Variants in PTPN4 observed in about 807,000 individuals in gnomAD.
PTPN4 encodes tyrosine-protein phosphatase non-receptor type 4.
Under a neutral mutation model 135.5 loss-of-function variants are expected in PTPN4, and 49 were observed. That is an observed-to-expected ratio of 0.36 (90% CI 0.29 to 0.46). The LOEUF (loss-of-function observed/expected upper bound fraction) is 0.46, where lower values mean the gene tolerates loss of function less well. Ranked by LOEUF, PTPN4 falls within the 20% of genes least tolerant of loss-of-function variation. The pLI is 1.00. For synonymous variants in PTPN4, 333 were observed against 369.9 expected, an observed-to-expected ratio of 0.90 and a Z score of 1.14; for missense variants, 860 against 1,101.0, an observed-to-expected ratio of 0.78 and a Z score of 3.10.
chr2:119,785,570 A>T (rs1003557854), intron 1 of PTPN4, among the ~76,000 whole-genome samples: 7 of 152,178 alleles, frequency 4.6e-5, no homozygotes, highest in Admixed American at 2.0e-4. Context: ...TGTAAATAGT[A>T]TATCCATTCC....
chr2:119,815,309 T>C (rs1676968537), intron 2 of PTPN4, among the ~76,000 whole-genome samples: 1 of 152,212 alleles, frequency 6.6e-6, no homozygotes. Flanking sequence ...AACAAGAATG[T>C]TGGTGAAGTG....
At chr2:119,785,886 A>G (rs1221240583) in intron 1 of PTPN4, among the ~76,000 whole-genome samples, 1 of 152,144 alleles carries the variant, frequency 6.6e-6, no homozygotes, top group Non-Finnish European at 1.5e-5. Context: ...GAGGTGTAGG[A>G]TTCTGCAGTA....
chr2:119,947,340 C>A (rs1279758992), intron 18 of PTPN4, among the ~76,000 whole-genome samples: 1 of 152,130 alleles, frequency 6.6e-6, no homozygotes, highest in Non-Finnish European at 1.5e-5. Context: ...TTTGCAGCAA[C>A]CTCAAAGTTG....
intron 10 of PTPN4, among the ~76,000 whole-genome samples, chr2:119,904,993 T>A: frequency 1.4e-5 from 2 of 139,170 alleles, no homozygotes; most frequent in Admixed American, 7.3e-5. Context: ...AAGATATATC[T>A]AGAGTAGATG....
intron 9 of PTPN4, among the ~76,000 whole-genome samples, chr2:119,892,136 G>A (rs1678249476): frequency 6.6e-6 from 1 of 152,164 alleles, no homozygotes; most frequent in Non-Finnish European, 1.5e-5. Flanking sequence ...GGGTATATCA[G>A]AGTATGTACT....
At chr2:119,826,940 G>A (rs1403970279) in intron 2 of PTPN4, among the ~76,000 whole-genome samples, 1 of 152,152 alleles carries the variant, frequency 6.6e-6, no homozygotes, top group Non-Finnish European at 1.5e-5. Context: ...GAAGCAGAAG[G>A]ATTGCTTGGG....
At chr2:119,946,206 T>C in intron 16 of PTPN4, 135 bp from the exon 17 acceptor site, 1 of 696,574 alleles carries the variant, frequency 1.4e-6, no homozygotes, top group Non-Finnish European at 2.2e-6. Context: ...TCTTCTGAAC[T>C]AAAATTTTTA....
intron 14 of PTPN4, among the ~76,000 whole-genome samples, chr2:119,933,352 T>TCA (rs1313065989): frequency 1.2e-4 from 18 of 152,274 alleles, no homozygotes; most frequent in African/African-American, 4.1e-4. Flanking sequence ...CATAAATGTT[T>TCA]TACACACATT....
At chr2:119,972,579 A>G (rs1217027605) in intron 26 of PTPN4, among the ~76,000 whole-genome samples, 1 of 152,110 alleles carries the variant, frequency 6.6e-6, no homozygotes, top group Non-Finnish European at 1.5e-5. Flanking sequence ...TATCCTGGAT[A>G]GAACCTCCAG....
intron 10 of PTPN4, among the ~76,000 whole-genome samples, chr2:119,911,785 T>C (rs1488754263): frequency 1.3e-5 from 2 of 152,128 alleles, no homozygotes; most frequent in Non-Finnish European, 2.9e-5. Context: ...ACCATGCAAG[T>C]AGTAAGCATT....
At chr2:119,946,236 C>A in intron 16 of PTPN4, 105 bp from the exon 17 acceptor site, 3 of 842,086 alleles carry the variant, frequency 3.6e-6, no homozygotes, top group South Asian at 2.2e-5. Context: ...TGATTTTTTA[C>A]AAACTATGCA....
chr2:119,877,635 T>C (rs189630317), intron 5 of PTPN4, 93 bp downstream of exon 5: 1 of 1,422,894 alleles, frequency 7.0e-7, no homozygotes, highest in East Asian at 2.4e-5. Context: ...TACTGTGGTG[T>C]AATTCTGAGC....
chr2:119,850,563 T>C (rs1007679476), intron 2 of PTPN4, among the ~76,000 whole-genome samples: 4 of 152,182 alleles, frequency 2.6e-5, no homozygotes, highest in Non-Finnish European at 5.9e-5. Flanking sequence ...AAGAAGGGAT[T>C]TGCATCTTCC....
rs1690446330 is a variant in PTPN4, at chr2:119,759,960, C to T, written c.-442C>T. On this transcript the variant is annotated 5_prime_UTR_variant, in exon 1 of 27. Transcript: ENST00000263708. The stretch of plus-strand genomic sequence containing the variant: ...AGCTCACGCCGCGCAGTGCGCTTTT[C>T]CGCTCCTCGCGCCCCACCACCAACA... The T allele has an allele frequency of 5.4e-6, 2 of 372,644 alleles. No homozygotes were observed. Among genetic ancestry groups the T allele is most frequent in the South Asian group, 1.5e-4 (1 of 6,814 alleles). 23.1% of individuals were successfully genotyped at this position (372,644 alleles called of 1,614,324 possible).
At chr2:119,896,191 G>C (rs960291456) in intron 9 of PTPN4, among the ~76,000 whole-genome samples, 8 of 152,062 alleles carry the variant, frequency 5.3e-5, no homozygotes, top group African/African-American at 1.9e-4. Context: ...CCCAATAACA[G>C]CTCCTTCCTA....
chr2:119,957,250 G>A (rs1316777225), intron 22 of PTPN4, among the ~76,000 whole-genome samples, 173 bp downstream of exon 22: 1 of 152,068 alleles, frequency 6.6e-6, no homozygotes, highest in Non-Finnish European at 1.5e-5. Context: ...TATTAATACA[G>A]GTAGAGCAGT....
intron 1 of PTPN4, among the ~76,000 whole-genome samples, chr2:119,782,383 C>T (rs563797386): frequency 9.2e-5 from 14 of 152,052 alleles, no homozygotes; most frequent in Non-Finnish European, 2.1e-4. Context: ...CATGCCACTG[C>T]ACTCTAGCCT....
At chr2:119,958,612 T>G (rs1679323546) in intron 22 of PTPN4, among the ~76,000 whole-genome samples, 1 of 152,212 alleles carries the variant, frequency 6.6e-6, no homozygotes, top group Non-Finnish European at 1.5e-5. Flanking sequence ...GTTGTCATGC[T>G]CTAGAAAGTC....
chr2:119,821,981 C>CT (rs928850637), intron 2 of PTPN4, among the ~76,000 whole-genome samples: 17 of 148,822 alleles, frequency 1.1e-4, no homozygotes, highest in Admixed American at 3.4e-4. Context: ...TTCCTTTTCA[C>CT]TTTTTTTTTT....
Sources: gnomAD v4.1 joint callset for allele counts (sites outside exome capture counted in the v4.1 genomes callset) on GRCh38, gnomAD v4.1.1 for gene constraint, MANE v1.5 for transcripts, NCBI Gene and HGNC (gene_info 2026-07-23, HGNC 2026-07-21) for gene names.